The following ADCY10 variants were observed in gnomAD, a reference collection of about 807,000 sequenced individuals.
ADCY10 encodes the protein adenylate cyclase type 10.
ADCY10 carries 156 observed loss-of-function variants against 183.3 expected under a neutral mutation model. The observed-to-expected ratio is 0.85, with a 90% CI of 0.75 to 0.97. The LOEUF is 0.97. Ranked by LOEUF, ADCY10 falls within the 50% of genes least tolerant of loss-of-function variation. ADCY10 has a pLI of 0.00. For missense variants in ADCY10, 1,745 were observed against 1,934.3 expected (o/e 0.90, Z 1.84); for synonymous variants, 645 against 670.0 (o/e 0.96, Z 0.58).
chr1:167,910,033 C>T (rs1399287448), intron 1 of ADCY10, among the ~76,000 whole-genome samples: 1 of 152,188 alleles, frequency 6.6e-6, no homozygotes, highest in Non-Finnish European at 1.5e-5. Flanking sequence ...TGGAACCCCT[C>T]ACAGCTCTAA....
At chr1:167,887,246 T>A (rs1011699351) in intron 8 of ADCY10, among the ~76,000 whole-genome samples, 4 of 152,170 alleles carry the variant, frequency 2.6e-5, no homozygotes, top group African/African-American at 7.2e-5. Flanking sequence ...CACATGCACA[T>A]GTATGTTTAT....
At chr1:167,874,526 T>C (rs1011259788) in intron 13 of ADCY10, among the ~76,000 whole-genome samples, 8 of 152,076 alleles carry the variant, frequency 5.3e-5, no homozygotes, top group African/African-American at 1.7e-4. Context: ...CTTAACATTC[T>C]CAGTCAGAAT....
At chr1:167,852,208 C>T (rs1271623400) in intron 18 of ADCY10, among the ~76,000 whole-genome samples, 1 of 152,078 alleles carries the variant, frequency 6.6e-6, no homozygotes, top group Non-Finnish European at 1.5e-5. Flanking sequence ...TTTGGGAGCC[C>T]GAGGCGGGCA....
intron 26 of ADCY10, among the ~76,000 whole-genome samples, chr1:167,826,382 A>G (rs557076475): frequency 6.6e-6 from 1 of 152,236 alleles, no homozygotes; most frequent in Non-Finnish European, 1.5e-5. Context: ...GTCACACTGC[A>G]GATAGGCGGA....
intron 7 of ADCY10, 112 bp from the exon 8 acceptor site, chr1:167,894,053 T>TA (rs1241205231): frequency 2.7e-6 from 2 of 751,100 alleles, no homozygotes; most frequent in African/African-American, 1.7e-5. Context: ...TTCTTGTCCT[T>TA]ACAGTTGTCA....
intron 14 of ADCY10, among the ~76,000 whole-genome samples, chr1:167,862,525 T>A (rs1234296924): frequency 6.6e-6 from 1 of 152,176 alleles, no homozygotes; most frequent in Non-Finnish European, 1.5e-5. Flanking sequence ...AAAGATGCCT[T>A]GATCTCAGAC....
At position 167,833,103 on chromosome 1, in the gene ADCY10, C is replaced by T; in HGVS notation, c.3477G>A (p.Lys1159=). 3.7e-6 allele frequency: 6 copies of T among 1,614,132 alleles called. No homozygotes were observed. The highest frequency in any genetic ancestry group is 5.1e-6 in the Non-Finnish European group (6 of 1,180,004). The change falls in exon 25 of 33, where the codon AAG becomes AAA. Residue 1159 remains lysine, a synonymous_variant. Transcript: ENST00000367851. ...TGTAAGGAAAGATTCGGTTGAGGAG[C>T]TTCAGTGCCTTCCTCAGCATTTTCT... The part of the protein sequence containing the change: ...LAKKMLRKAL[K]LLNRIFPYNL...
rs1352387516 is a variant in ADCY10 at position 167,845,519 on chromosome 1, T to C, written c.3007+44A>G. The C allele has an allele frequency of 5.6e-6, 9 of 1,601,844 alleles. No individual in the cohort carries two copies. In the East Asian group the frequency reaches 6.7e-5, roughly 12 times the overall value. On this transcript the variant is annotated intron_variant, in intron 21 of 32. Coordinates refer to ENST00000367851, the MANE Select transcript of ADCY10 (RefSeq NM_018417.6). The stretch of plus-strand genomic sequence containing the variant: ...CTCCTTCTAGATCTTAGTCTCTAGA[T>C]TTCCCAAGAACAGTTAGGATAATTT...
intron 14 of ADCY10, among the ~76,000 whole-genome samples, chr1:167,862,109 C>T (rs1213329536): frequency 6.6e-6 from 1 of 152,180 alleles, no homozygotes; most frequent in Non-Finnish European, 1.5e-5. Flanking sequence ...CACATTATCT[C>T]TCTCCTCCTC....
intron 2 of ADCY10, 145 bp from the exon 3 acceptor site, chr1:167,904,136 G>A: frequency 1.7e-6 from 1 of 578,022 alleles, no homozygotes; most frequent in South Asian, 2.0e-5. Context: ...AGCCCAGGCT[G>A]GAGGGCAATG....
At chr1:167,913,152 A>C (rs1670257731) in intron 1 of ADCY10, among the ~76,000 whole-genome samples, 1 of 152,196 alleles carries the variant, frequency 6.6e-6, no homozygotes, top group South Asian at 2.1e-4. Flanking sequence ...CAAAGCGCGG[A>C]AGCACCTTGG....
chr1:167,863,921 T>C (rs1666480860), intron 14 of ADCY10, among the ~76,000 whole-genome samples: 1 of 152,058 alleles, frequency 6.6e-6, no homozygotes, highest in African/African-American at 2.4e-5. Context: ...TATCAGCACT[T>C]GGTTTTGGTT....
chr1:167,827,993 C>T (rs774193268), intron 26 of ADCY10, among the ~76,000 whole-genome samples: 1 of 152,114 alleles, frequency 6.6e-6, no homozygotes. Context: ...GGATTACAGG[C>T]GTGAGCCACC....
chr1:167,894,993 G>A (rs958383366), intron 7 of ADCY10, among the ~76,000 whole-genome samples: 1 of 152,058 alleles, frequency 6.6e-6, no homozygotes, highest in African/African-American at 2.4e-5. Flanking sequence ...GACCATCCTG[G>A]CCAACATGGG....
intron 31 of ADCY10, among the ~76,000 whole-genome samples, chr1:167,814,332 A>G (rs1006095425): frequency 6.6e-6 from 1 of 152,040 alleles, no homozygotes; most frequent in Admixed American, 6.5e-5. Context: ...CTAATGTCAG[A>G]CAAAATAAAC....
intron 31 of ADCY10, among the ~76,000 whole-genome samples, chr1:167,816,527 C>CA (rs764215521): frequency 4.6e-5 from 7 of 152,064 alleles, no homozygotes; most frequent in Non-Finnish European, 7.4e-5. Context: ...GCCTGGGTGA[C>CA]AGAGTGAGAC....
At chr1:167,833,868 A>C in intron 24 of ADCY10, 102 bp downstream of exon 24, 2 of 917,568 alleles carry the variant, frequency 2.2e-6, no homozygotes, top group South Asian at 1.4e-5. Context: ...GTCTGTGGCA[A>C]GAGATGGGAG....
intron 1 of ADCY10, among the ~76,000 whole-genome samples, chr1:167,908,669 C>T (rs975135903): frequency 6.6e-6 from 1 of 152,096 alleles, no homozygotes; most frequent in African/African-American, 2.4e-5. Context: ...AATATGTACA[C>T]TTTTTGTCAT....
chr1:167,879,507 G>A (rs955413468), intron 11 of ADCY10, among the ~76,000 whole-genome samples: 1 of 151,570 alleles, frequency 6.6e-6, no homozygotes, highest in African/African-American at 2.4e-5. Flanking sequence ...ATCCCAACAA[G>A]CCATTAGCCC....
Sources: gnomAD v4.1 joint callset for allele counts (sites outside exome capture counted in the v4.1 genomes callset) on GRCh38, gnomAD v4.1.1 for gene constraint, MANE v1.5 for transcripts, NCBI Gene and HGNC (gene_info 2026-07-23, HGNC 2026-07-21) for gene names.